TMEM131: variants seen among roughly 807,000 people sequenced by gnomAD.
The protein encoded by TMEM131 is transmembrane protein 131.
TMEM131 carries 66 observed loss-of-function variants against 211.6 expected under a neutral mutation model. That is an observed-to-expected ratio of 0.31 (90% CI 0.26 to 0.38). TMEM131 has a LOEUF of 0.38. TMEM131 is among the 10% of genes least tolerant of loss of function. The pLI, the probability that TMEM131 is intolerant of heterozygous loss-of-function variation, is 1.00. For missense variants in TMEM131, 2,036 were observed against 2,299.3 expected (o/e 0.89, Z 2.34); for synonymous variants, 844 against 841.3 (o/e 1.00, Z -0.06).
intron 1 of TMEM131, among the ~76,000 whole-genome samples, chr2:97,954,237 CT>C (rs1678457076): frequency 6.6e-6 from 1 of 152,062 alleles, no homozygotes; most frequent in African/African-American, 2.4e-5. Context: ...TACTGGTTCT[CT>C]GAAAAATAAT....
chr2:97,776,527 GA>G (rs1221204671), intron 31 of TMEM131, among the ~76,000 whole-genome samples: 2 of 152,150 alleles, frequency 1.3e-5, no homozygotes, highest in Non-Finnish European at 2.9e-5. Context: ...ACTTTACTGA[GA>G]TACAACTTAT....
chr2:97,887,893 T>G, intron 4 of TMEM131, 159 bp downstream of exon 4: 1 of 576,262 alleles, frequency 1.7e-6, no homozygotes, highest in Non-Finnish European at 3.1e-6. Context: ...GATACTTACT[T>G]CCCATTTTCA....
At chr2:97,810,452 A>C (rs1308054941) in intron 18 of TMEM131, among the ~76,000 whole-genome samples, 2 of 152,204 alleles carry the variant, frequency 1.3e-5, no homozygotes, top group Non-Finnish European at 2.9e-5. Context: ...TTTATTTTAT[A>C]ATTACATTTT....
intron 3 of TMEM131, among the ~76,000 whole-genome samples, chr2:97,896,391 G>A (rs1412441960): frequency 6.6e-6 from 1 of 152,092 alleles, no homozygotes; most frequent in African/African-American, 2.4e-5. Flanking sequence ...TTGGTCCAGA[G>A]CTGAGTTCAG....
intron 11 of TMEM131, among the ~76,000 whole-genome samples, chr2:97,831,664 C>CTTTTTTTTTTTTTTTTTT (rs11378393): frequency 2.5e-5 from 2 of 80,614 alleles, no homozygotes; most frequent in African/African-American, 1.0e-4. Flanking sequence ...TCACATACCT[C>CTTTTTTTTTTTTTTTTTT]TTTTTTTTTT....
In TMEM131 at chr2:97,760,670, T is replaced by C. The variant is rs1337167588; in HGVS notation, c.5031A>G (p.Lys1677=). 6.2e-7 allele frequency: 1 copy of C among 1,613,786 alleles called. No homozygotes were observed. The highest frequency in any genetic ancestry group is 1.3e-5 in the African/African-American group (1 of 74,924). The change falls in exon 38 of 41, where the codon AAA becomes AAG. Residue 1677 remains lysine (K), a synonymous_variant. Coordinates refer to ENST00000186436, the MANE Select transcript of TMEM131 (RefSeq NM_015348.2). ...AGAAACCTGTTTTGTTTGAAGAAAC[T>C]TTAGCAAAGCCATTCCCACCTGTAA... ...DKSPGGNGFA[K]VSSNKTGFSS... is the part of the protein sequence containing the mutation.
At chr2:97,779,925 C>A (rs1464224730) in intron 31 of TMEM131, among the ~76,000 whole-genome samples, 1 of 152,104 alleles carries the variant, frequency 6.6e-6, no homozygotes, top group Non-Finnish European at 1.5e-5. Context: ...AAGGCTGAGG[C>A]AGGAGGATCT....
At chr2:97,877,520 G>T (rs185028285) in intron 4 of TMEM131, among the ~76,000 whole-genome samples, 2 of 152,072 alleles carry the variant, frequency 1.3e-5, no homozygotes. Context: ...ATAGACCAAC[G>T]GAACAGAAGA....
chr2:97,934,265 G>A (rs1384369325), intron 1 of TMEM131, among the ~76,000 whole-genome samples: 1 of 152,004 alleles, frequency 6.6e-6, no homozygotes, highest in Non-Finnish European at 1.5e-5. Flanking sequence ...CATTTACAAC[G>A]CCATTTACGA....
Position 97,812,643 on chromosome 2 carries a change from A to G in TMEM131, c.1724T>C (p.Ile575Thr), listed in dbSNP as rs1447700928. 6.3e-7 allele frequency: 1 copy of G among 1,591,008 alleles called. No individual in the cohort carries two copies. The highest frequency in any genetic ancestry group is 1.2e-5 in the South Asian group (1 of 86,432). The change falls in exon 16 of 41, where the codon ATT becomes ACT. Residue 575 changes from isoleucine (I) to threonine (T), a missense_variant. By Grantham distance (89) the Ile-to-Thr change is moderately conservative. Coordinates refer to ENST00000186436, the MANE Select transcript of TMEM131 (RefSeq NM_015348.2). ...ILFAIINSNPIELAIKSWHII... is the reference protein window; with the variant it reads ...ILFAIINSNPTELAIKSWHII... ...AGAATAAAAACAGGTTTTTACCTCA[A>G]TTGGATTGCTGTTTATAATTGCAAA...
intron 1 of TMEM131, among the ~76,000 whole-genome samples, chr2:97,979,596 T>C (rs1302913416): frequency 6.6e-6 from 1 of 152,222 alleles, no homozygotes; most frequent in Non-Finnish European, 1.5e-5. Flanking sequence ...CTGCCAACTG[T>C]TCTTCTGCAG....
At chr2:97,877,342 T>A (rs968433072) in intron 4 of TMEM131, among the ~76,000 whole-genome samples, 3 of 152,142 alleles carry the variant, frequency 2.0e-5, no homozygotes, top group Non-Finnish European at 4.4e-5. Context: ...CTTCATAGAA[T>A]TGGAAAAAAC....
At chr2:97,781,036 C>A (rs1300319942) in intron 31 of TMEM131, among the ~76,000 whole-genome samples, 2 of 152,218 alleles carry the variant, frequency 1.3e-5, no homozygotes, top group Admixed American at 6.5e-5. Context: ...GATCTCCACA[C>A]AGACTCCTCA....
At chr2:97,935,821 C>A (rs73960430) in intron 1 of TMEM131, among the ~76,000 whole-genome samples, 3,127 of 152,308 alleles carry the variant, frequency 0.021, 109 homozygotes, top group African/African-American at 0.071. Flanking sequence ...TGCAGCAATC[C>A]ATGGAATGTT....
intron 19 of TMEM131, among the ~76,000 whole-genome samples, chr2:97,807,179 T>C: frequency 6.6e-6 from 1 of 152,200 alleles, no homozygotes; most frequent in East Asian, 1.9e-4. Context: ...ATAGAGGTAA[T>C]TTAGAATTCC....
intron 5 of TMEM131, among the ~76,000 whole-genome samples, chr2:97,850,485 T>G (rs1434918436): frequency 2.0e-5 from 3 of 152,184 alleles, no homozygotes; most frequent in Non-Finnish European, 4.4e-5. Context: ...AGACCACCAG[T>G]GCCATCCTCT....
At chr2:97,782,779 T>C (rs1316111877) in intron 31 of TMEM131, among the ~76,000 whole-genome samples, 4 of 150,944 alleles carry the variant, frequency 2.6e-5, no homozygotes, top group African/African-American at 9.7e-5. Context: ...CAATTAGGAA[T>C]TATGAGAGAA....
chr2:97,934,322 C>T (rs923915775), intron 1 of TMEM131, among the ~76,000 whole-genome samples: 3 of 152,036 alleles, frequency 2.0e-5, no homozygotes, highest in Admixed American at 6.6e-5. Flanking sequence ...AGAAAGCATG[C>T]ACAGGACATA....
chr2:97,818,463 CGGGGGG>C (rs1184208506), intron 12 of TMEM131, 144 bp downstream of exon 12: 9 of 283,890 alleles, frequency 3.2e-5, no homozygotes, highest in Non-Finnish European at 4.4e-5. Flanking sequence ...TGGTTTACAG[CGGGGGG>C]GGGCGGGGGG....
Sources: gnomAD v4.1 joint callset for allele counts (sites outside exome capture counted in the v4.1 genomes callset) on GRCh38, gnomAD v4.1.1 for gene constraint, MANE v1.5 for transcripts, NCBI Gene and HGNC (gene_info 2026-07-23, HGNC 2026-07-21) for gene names.